The following LDLRAD3 variants were observed in gnomAD, a reference collection of about 807,000 sequenced individuals.
The protein encoded by LDLRAD3 is low density lipoprotein receptor class A domain containing 3, also known as low-density lipoprotein receptor class A domain-containing protein 3.
In LDLRAD3, 20 loss-of-function variants were observed where a neutral mutation model predicts 29.4. The ratio of observed to expected loss-of-function variants is 0.68; its 90% CI spans 0.48 to 0.99. The LOEUF (loss-of-function observed/expected upper bound fraction) is 0.99, where lower values mean the gene tolerates loss of function less well. Ranked by LOEUF, LDLRAD3 falls within the 50% of genes least tolerant of loss-of-function variation. The pLI is 0.00. For missense variants in LDLRAD3, 420 were observed against 454.3 expected, an observed-to-expected ratio of 0.92 and a Z score of 0.69; for synonymous variants, 157 against 192.7, an observed-to-expected ratio of 0.81 and a Z score of 1.53.
intron 1 of LDLRAD3, among the ~76,000 whole-genome samples, chr11:35,983,228 G>A (rs914696537): frequency 3.3e-5 from 5 of 152,138 alleles, no homozygotes; most frequent in Non-Finnish European, 5.9e-5. Flanking sequence ...CCTTACCTCC[G>A]TCATACACAC....
intron 4 of LDLRAD3, among the ~76,000 whole-genome samples, chr11:36,168,622 G>A (rs1371866877): frequency 6.6e-6 from 1 of 151,500 alleles, no homozygotes; most frequent in Non-Finnish European, 1.5e-5. Flanking sequence ...GATCAATAGG[G>A]TAGCCTCCAC....
chr11:36,105,739 G>A (rs989152125), intron 4 of LDLRAD3, among the ~76,000 whole-genome samples: 6 of 152,276 alleles, frequency 3.9e-5, no homozygotes, highest in African/African-American at 1.4e-4. Flanking sequence ...CTCTCTCGCA[G>A]CCCTCTGAAG....
At position 36,227,377 on chromosome 11, in the gene LDLRAD3, T is replaced by G; in HGVS notation, c.747T>G (p.Asn249Lys). The G allele has an allele frequency of 6.2e-7, 1 of 1,612,430 alleles. No individual in the cohort carries two copies. The highest frequency in any genetic ancestry group is 1.1e-5 in the South Asian group (1 of 90,672). Residue 249 changes from asparagine to lysine, a missense_variant, in exon 5 of 6, where the codon AAT becomes AAG. This residue lies in a region of LDLRAD3 where 140 missense variants were observed against 139.9 expected (regional missense o/e 1.00). Coordinates refer to ENST00000315571, the MANE Select transcript of LDLRAD3 (RefSeq NM_174902.4). ...ATGTGGCCAGCCAGGCGGAGCAGAA[T>G]GCGTCGGAAGTAGGCTCCCCACCCT... Reference protein sequence around the residue: ...IQYVASQAEQNASEVGSPPSY... With the variant: ...IQYVASQAEQKASEVGSPPSY...
chr11:36,220,434 A>C (rs973109982), intron 4 of LDLRAD3, among the ~76,000 whole-genome samples: 8 of 152,226 alleles, frequency 5.3e-5, no homozygotes, highest in Admixed American at 6.5e-5. Context: ...CATCTGGGGA[A>C]TCAAATTGTG....
intron 4 of LDLRAD3, among the ~76,000 whole-genome samples, chr11:36,226,219 A>G (rs1855496920): frequency 6.6e-6 from 1 of 152,184 alleles, no homozygotes; most frequent in Admixed American, 6.5e-5. Context: ...ACTGGGCACT[A>G]TTACATCTCC....
At chr11:35,996,554 T>TA (rs1302914372) in intron 1 of LDLRAD3, among the ~76,000 whole-genome samples, 2 of 152,220 alleles carry the variant, frequency 1.3e-5, no homozygotes, top group Admixed American at 6.5e-5. Context: ...CTGGTAGACT[T>TA]ACTGCGTTCA....
At chr11:36,137,637 T>C (rs1204017543) in intron 4 of LDLRAD3, among the ~76,000 whole-genome samples, 1 of 152,244 alleles carries the variant, frequency 6.6e-6, no homozygotes, top group Non-Finnish European at 1.5e-5. Context: ...AATAAGCACA[T>C]TGTGCCCGTG....
Position 36,106,716 on chromosome 11 carries a change from T to C in LDLRAD3, c.454+8255T>C, listed in dbSNP as rs150255677. Among the ~76,000 whole-genome samples the C allele has an allele frequency of 1.6e-3, 248 of 152,332 alleles. 6 individuals are homozygous for C. The highest frequency in any genetic ancestry group is 3.8e-4 in the Non-Finnish European group (26 of 68,038). Reference sequence around the variant, plus strand: ...TTAGCTACTGCTGAAACTTGGAGTTTGGTGTCCCTTCACACGCTCCACCTA... The same window carrying C: ...TTAGCTACTGCTGAAACTTGGAGTTCGGTGTCCCTTCACACGCTCCACCTA... On this transcript the variant is annotated intron_variant, in intron 4 of 5. Coordinates refer to ENST00000315571, the MANE Select transcript of LDLRAD3 (RefSeq NM_174902.4).
intron 4 of LDLRAD3, among the ~76,000 whole-genome samples, chr11:36,162,206 G>T (rs1357514470): frequency 6.6e-6 from 1 of 152,172 alleles, no homozygotes; most frequent in African/African-American, 2.4e-5. Flanking sequence ...GGAAAAAGTT[G>T]AGTTGGAGGA....
At position 36,191,574 on chromosome 11, in the gene LDLRAD3, C is replaced by CTATA. The variant is rs1242651513; in HGVS notation, c.455-35510_455-35509insATAT. 6.3e-3 allele frequency among the ~76,000 whole-genome samples: 425 copies of CTATA among 67,652 alleles called. 1 individual carries two copies. The highest frequency in any genetic ancestry group is 7.9e-3 in the Non-Finnish European group (289 of 36,456). 44.4% of individuals were successfully genotyped at this position (67,652 alleles called of 152,430 possible). A position where few individuals can be genotyped will look rare whatever the true frequency, so the allele number is the denominator to read the frequency against. On this transcript the variant is annotated intron_variant, in intron 4 of 5. Coordinates refer to ENST00000315571, the MANE Select transcript of LDLRAD3 (RefSeq NM_174902.4). ...TCTCTCTCTCTCTCTCTCTCTCTCT[C>CTATA]TCTATATATATATATATATATATAT...
chr11:36,023,321 C>T (rs1318860607), intron 1 of LDLRAD3, among the ~76,000 whole-genome samples: 1 of 152,078 alleles, frequency 6.6e-6, no homozygotes, highest in Non-Finnish European at 1.5e-5. Context: ...GTGTGATTCC[C>T]GTCCCTTTGG....
chr11:36,083,706 A>C (rs17810905), intron 3 of LDLRAD3, among the ~76,000 whole-genome samples: 2 of 150,560 alleles, frequency 1.3e-5, no homozygotes, highest in Non-Finnish European at 2.9e-5. Flanking sequence ...CCTGCTGTCC[A>C]TGGGGATCTT....
chr11:36,187,162 T>TA (rs201865320), intron 4 of LDLRAD3, among the ~76,000 whole-genome samples: 4 of 152,202 alleles, frequency 2.6e-5, no homozygotes, highest in Admixed American at 6.5e-5. Flanking sequence ...GGGTTTTTTT[T>TA]ACTCTTTTAA....
chr11:36,070,843 A>G (rs1382522727), intron 2 of LDLRAD3, among the ~76,000 whole-genome samples: 2 of 152,168 alleles, frequency 1.3e-5, no homozygotes, highest in South Asian at 2.1e-4. Flanking sequence ...GGCAAGTAGG[A>G]CAGTCCTAAG....
chr11:36,104,521 G>T (rs1853498327), intron 4 of LDLRAD3, among the ~76,000 whole-genome samples: 1 of 152,174 alleles, frequency 6.6e-6, no homozygotes, highest in Non-Finnish European at 1.5e-5. Flanking sequence ...AGCTTGTGGT[G>T]ACTCAGGTCA....
chr11:36,227,571 C>T (rs1214389434), intron 5 of LDLRAD3, 141 bp downstream of exon 5: 3 of 589,086 alleles, frequency 5.1e-6, no homozygotes, highest in Admixed American at 3.8e-5. Flanking sequence ...TGACATTTGC[C>T]GAGTCCTCGC....
chr11:35,978,324 C>G (rs556682649), intron 1 of LDLRAD3, among the ~76,000 whole-genome samples: 10 of 152,324 alleles, frequency 6.6e-5, no homozygotes, highest in African/African-American at 2.4e-4. Context: ...CACACTCACT[C>G]GAGGTGTGCC....
chr11:36,229,249 C>G lies in LDLRAD3; in HGVS notation c.890C>G (p.Ser297Cys). The change falls in exon 6 of 6, where the codon TCC becomes TGC. Residue 297 changes from serine to cysteine, a missense_variant. By Grantham distance (112) the Ser-to-Cys change is moderately radical. Transcript: ENST00000315571. Reference protein sequence around the residue: ...QADLPPYRSRSGSANSASSQA... With the variant: ...QADLPPYRSRCGSANSASSQA... ...GACCTGCCCCCCTACCGCTCCCGGT[C>G]CGGGAGTGCCAACAGTGCCAGCTCC... The G allele has an allele frequency of 1.9e-6, 3 of 1,614,124 alleles. No individual in the cohort carries two copies. The highest frequency in any genetic ancestry group is 1.1e-5 in the South Asian group (1 of 91,088).
chr11:36,049,089 G>T (rs1852492354), intron 2 of LDLRAD3, among the ~76,000 whole-genome samples: 1 of 152,124 alleles, frequency 6.6e-6, no homozygotes, highest in South Asian at 2.1e-4. Context: ...CAGGTTGCCT[G>T]GGCCCCTGTC....
Sources: gnomAD v4.1 joint callset for allele counts (sites outside exome capture counted in the v4.1 genomes callset) on GRCh38, gnomAD v4.1.1 for gene constraint, gnomAD v4.1.1 regional missense constraint, MANE v1.5 for transcripts, NCBI Gene and HGNC (gene_info 2026-07-23, HGNC 2026-07-21) for gene names.